BAIAP2: variants seen among roughly 807,000 people sequenced by gnomAD.
BAIAP2 encodes BAR/IMD domain containing adaptor protein 2, also known as BAR/IMD domain-containing adapter protein 2.
BAIAP2 carries 18 observed loss-of-function variants against 63.0 expected under a neutral mutation model. The ratio of observed to expected loss-of-function variants is 0.29; its 90% confidence interval spans 0.20 to 0.42. BAIAP2 has a LOEUF of 0.42. BAIAP2 is among the 10% of genes least tolerant of loss of function. The probability of loss-of-function intolerance (pLI) is 1.00; values close to 1 mark genes in which losing one functional copy is unlikely to be tolerated. For missense variants in BAIAP2, 610 were observed against 734.3 expected (o/e 0.83, Z 1.96); for synonymous variants, 386 against 307.6 (o/e 1.25, Z -2.67).
At chr17:81,086,301 G>A in intron 5 of BAIAP2, 142 bp from the exon 6 acceptor site, 1 of 1,057,274 alleles carries the variant, frequency 9.5e-7, no homozygotes, top group East Asian at 2.4e-5. Flanking sequence ...TGCACGGCCA[G>A]AGAGCGAGCC....
chr17:81,051,603 G>T (rs1003250417), intron 1 of BAIAP2, among the ~76,000 whole-genome samples: 1 of 152,136 alleles, frequency 6.6e-6, no homozygotes, highest in African/African-American at 2.4e-5. Flanking sequence ...CACCACGTTG[G>T]CCAGGATGGT....
At chr17:81,099,142 A>ATTTTGCTGTCCCCGTGGACGCTGG (rs1555678293) in intron 6 of BAIAP2, among the ~76,000 whole-genome samples, 15 of 150,396 alleles carry the variant, frequency 1.0e-4, no homozygotes, top group African/African-American at 3.7e-4. Context: ...TGTGGATCTG[A>ATTTTGCTGTCCCCGTGGACGCTGG]TCTTGCTGTC....
At chr17:81,102,388 C>A (rs915328491) in intron 7 of BAIAP2, among the ~76,000 whole-genome samples, 1 of 152,186 alleles carries the variant, frequency 6.6e-6, no homozygotes, top group Admixed American at 6.5e-5. Flanking sequence ...AGACTCACTC[C>A]TCTACCACTG....
intron 1 of BAIAP2, among the ~76,000 whole-genome samples, chr17:81,037,910 C>T (rs1440018849): frequency 1.3e-5 from 2 of 152,396 alleles, no homozygotes; most frequent in East Asian, 1.9e-4. Flanking sequence ...GAATCCGTAA[C>T]GCAGACTTTG....
intron 3 of BAIAP2, among the ~76,000 whole-genome samples, chr17:81,073,166 C>T (rs919494578): frequency 2.0e-5 from 3 of 152,134 alleles, no homozygotes; most frequent in Non-Finnish European, 2.9e-5. Context: ...GGCCCCTCCC[C>T]ATGCCAGGGC....
chr17:81,037,576 C>T (rs1204503147), intron 1 of BAIAP2, among the ~76,000 whole-genome samples: 1 of 152,240 alleles, frequency 6.6e-6, no homozygotes, highest in Non-Finnish European at 1.5e-5. Flanking sequence ...GTGTGCACTC[C>T]TGGGCCGGTC....
At chr17:81,104,487 C>T in intron 9 of BAIAP2, 27 bp from the exon 10 acceptor site, 2 of 1,570,744 alleles carry the variant, frequency 1.3e-6, no homozygotes, top group South Asian at 2.3e-5. Flanking sequence ...CAGGGGCAGT[C>T]CCCTTACCTG....
At chr17:81,082,821 C>T (rs562934365) in intron 3 of BAIAP2, among the ~76,000 whole-genome samples, 30 of 152,248 alleles carry the variant, frequency 2.0e-4, no homozygotes, top group South Asian at 1.2e-3. Context: ...TGTGCTGACC[C>T]GGGAGGAGGG....
At chr17:81,098,987 TCC>T (rs2058101353) in intron 6 of BAIAP2, among the ~76,000 whole-genome samples, 8 of 47,940 alleles carry the variant, frequency 1.7e-4, no homozygotes, top group Admixed American at 5.3e-4. Flanking sequence ...CATCCCCCCA[TCC>T]CCCCATCCCC....
intron 10 of BAIAP2, chr17:81,105,417 C>T (rs546449110): frequency 1.3e-5 from 2 of 153,696 alleles, no homozygotes; most frequent in South Asian, 4.1e-4. Context: ...CCTGAGACCG[C>T]AGGCTTTCTG....
intron 13 of BAIAP2, among the ~76,000 whole-genome samples, chr17:81,115,227 C>T (rs940869885): frequency 1.3e-5 from 2 of 152,238 alleles, no homozygotes; most frequent in African/African-American, 4.8e-5. Context: ...AGGGGATGGC[C>T]AGCTGCTCTG....
At chr17:81,100,932 T>C (rs2058395688) in intron 7 of BAIAP2, among the ~76,000 whole-genome samples, 1 of 152,132 alleles carries the variant, frequency 6.6e-6, no homozygotes, top group African/African-American at 2.4e-5. Context: ...GGGCCTTGGG[T>C]GGTGGCCACA....
chr17:81,097,219 G>A (rs1375473748), intron 6 of BAIAP2, among the ~76,000 whole-genome samples: 1 of 152,242 alleles, frequency 6.6e-6, no homozygotes, highest in African/African-American at 2.4e-5. Context: ...GTTTTGAGGG[G>A]CAGGTGGGGT....
At chr17:81,102,050 C>A (rs1342376870) in intron 7 of BAIAP2, among the ~76,000 whole-genome samples, 1 of 152,134 alleles carries the variant, frequency 6.6e-6, no homozygotes, top group Non-Finnish European at 1.5e-5. Flanking sequence ...TGCCGCAGGT[C>A]TCCCAGGAGG....
chr17:81,055,271 C>T lies in BAIAP2; in HGVS notation c.130+1528C>T, dbSNP rs576422005. The stretch of plus-strand genomic sequence containing the variant: ...CGAGCACCTGGCAGAAGGCCTGTCC[C>T]TGGCACTGCCCTCCTTCTCAGCTCC... On this transcript the variant is annotated intron_variant, in intron 2 of 13. Transcript: ENST00000428708. 2.0e-5 allele frequency among the ~76,000 whole-genome samples: 3 copies of T among 147,762 alleles called. No homozygotes were observed. The South Asian group carries it at 6.6e-4, about 33-fold the overall frequency.
At chr17:81,101,132 C>G (rs980569769) in intron 7 of BAIAP2, among the ~76,000 whole-genome samples, 1 of 152,112 alleles carries the variant, frequency 6.6e-6, no homozygotes, top group African/African-American at 2.4e-5. Context: ...CTAGGCGTCC[C>G]CCAGCACAGT....
intron 1 of BAIAP2, among the ~76,000 whole-genome samples, chr17:81,048,283 C>G (rs1237651563): frequency 1.4e-5 from 2 of 142,794 alleles, no homozygotes; most frequent in African/African-American, 5.2e-5. Flanking sequence ...GCTCAGGAGG[C>G]TGAGGCAGGA....
chr17:81,076,195 A>T (rs543613439), intron 3 of BAIAP2: 11 of 152,340 alleles, frequency 7.2e-5, no homozygotes, highest in African/African-American at 2.4e-4. Flanking sequence ...TACCATCTGC[A>T]GCTTAACTCA....
chr17:81,090,323 C>T (rs2056492531), intron 6 of BAIAP2, among the ~76,000 whole-genome samples: 1 of 152,262 alleles, frequency 6.6e-6, no homozygotes, highest in South Asian at 2.1e-4. Context: ...TCAACCTTCT[C>T]ACGGTGCCTG....
Sources: allele counts gnomAD v4.1 joint callset (sites outside exome capture counted in the v4.1 genomes callset), GRCh38; gene constraint gnomAD v4.1.1; transcripts MANE v1.5; gene names NCBI Gene and HGNC (gene_info 2026-07-23, HGNC 2026-07-21).